SLC6A3: variants seen among roughly 807,000 people sequenced by gnomAD.
The protein encoded by SLC6A3 is solute carrier family 6 member 3.
Under a neutral mutation model 70.4 loss-of-function variants are expected in SLC6A3, and 19 were observed. The observed-to-expected ratio is 0.27, with a 90% CI of 0.19 to 0.40. SLC6A3 has a LOEUF of 0.40. Ranked by LOEUF, SLC6A3 falls within the 10% of genes least tolerant of loss-of-function variation. The pLI is 1.00. For synonymous variants in SLC6A3, 368 were observed against 356.6 expected, an observed-to-expected ratio of 1.03 and a Z score of -0.36; for missense variants, 613 against 838.5, an observed-to-expected ratio of 0.73 and a Z score of 3.32.
rs1755851300 is a variant in SLC6A3 at position 1,401,534 on chromosome 5, A to G, written c.1768-548T>C. Among the ~76,000 whole-genome samples the G allele has an allele frequency of 6.6e-6, 1 of 151,724 alleles. No individual in the cohort carries two copies. On this transcript the variant is annotated intron_variant, in intron 13 of 14. Transcript: ENST00000270349. The surrounding 1 kb of genome is among the most constrained non-coding windows in gnomAD (Gnocchi z 6.1). ...GAGCAGGCAGCATCTTCAGGAGCTCACCCTCTCGGGCCTGGATGCCTGTAT... is the reference window on the plus strand; with the variant it reads ...GAGCAGGCAGCATCTTCAGGAGCTCGCCCTCTCGGGCCTGGATGCCTGTAT...
rs763338514 is a variant in SLC6A3, at chr5:1,414,832, C to T, written c.1032-17G>A. On this transcript the variant is annotated splice_polypyrimidine_tract_variant and intron_variant, in intron 7 of 14. Transcript: ENST00000270349. ...ATCGCGTCCCTGTAAGAACAAGACA[C>T]GCCGTCTCAGGAACCAGCTGAGCTG... 76 of 1,612,666 alleles carry T rather than the reference C, an allele frequency of 4.7e-5. No homozygotes were observed. The highest frequency in any genetic ancestry group is 7.7e-5 in the South Asian group (7 of 91,092).
intron 14 of SLC6A3, among the ~76,000 whole-genome samples, chr5:1,395,160 C>T (rs976800424): frequency 6.6e-6 from 1 of 152,136 alleles, no homozygotes; most frequent in Non-Finnish European, 1.5e-5. Flanking sequence ...CCACGTCCCT[C>T]CACCTTCCTG....
At chr5:1,403,119 G>T in intron 12 of SLC6A3, 30 bp from the exon 13 acceptor site, 2 of 1,609,930 alleles carry the variant, frequency 1.2e-6, no homozygotes, top group Non-Finnish European at 8.5e-7. Context: ...AGGTCAGGCA[G>T]CTCTCAGCCG....
At position 1,438,031 on chromosome 5, in the gene SLC6A3, C is replaced by T. The variant is rs1373382071; in HGVS notation, c.418+3328G>A. On this transcript the variant is annotated intron_variant, in intron 3 of 14. Coordinates refer to ENST00000270349, the MANE Select transcript of SLC6A3 (RefSeq NM_001044.5). This position sits in a 1 kb window ranked among gnomAD's most constrained non-coding sequence, Gnocchi z 6.5. ...GTCTCCTCTAAACTGGCATCCTGCG[C>T]TTGACAGGTAGGCAGAACAAACGGG... Among the ~76,000 whole-genome samples, 1 of 152,204 alleles carries T rather than the reference C, an allele frequency of 6.6e-6. No homozygotes were observed.
intron 6 of SLC6A3, among the ~76,000 whole-genome samples, chr5:1,418,252 G>A (rs1278534540): frequency 6.6e-6 from 1 of 152,086 alleles, no homozygotes; most frequent in Non-Finnish European, 1.5e-5. Flanking sequence ...CCTCTGCCCA[G>A]TGCCACACCA....
chr5:1,431,175 G>A (rs1756692418), intron 4 of SLC6A3, among the ~76,000 whole-genome samples: 1 of 152,248 alleles, frequency 6.6e-6, no homozygotes, highest in Admixed American at 6.5e-5. Context: ...AGATGTGGAT[G>A]GCACCCGCCA....
intron 14 of SLC6A3, among the ~76,000 whole-genome samples, chr5:1,400,700 C>A (rs545638309): frequency 7.2e-5 from 11 of 152,334 alleles, no homozygotes; most frequent in African/African-American, 2.6e-4. Context: ...TGCAGCCGCA[C>A]CTCCCAGGGC....
chr5:1,419,707 G>C (rs947128847), intron 6 of SLC6A3, among the ~76,000 whole-genome samples: 1 of 152,054 alleles, frequency 6.6e-6, no homozygotes, highest in African/African-American at 2.4e-5. Flanking sequence ...CTCTTCCTTG[G>C]CTCCCGTGGG....
Position 1,413,477 on chromosome 5 carries a change from G to A in SLC6A3, c.1156+1214C>T, listed in dbSNP as rs1756174804. 6.6e-6 allele frequency among the ~76,000 whole-genome samples: 1 copy of A among 152,188 alleles called. No homozygotes were observed. The highest frequency in any genetic ancestry group is 1.5e-5 in the Non-Finnish European group (1 of 68,030). On this transcript the variant is annotated intron_variant, in intron 8 of 14. Transcript: ENST00000270349. This position sits in a 1 kb window ranked among gnomAD's most constrained non-coding sequence, Gnocchi z 7.1. Reference sequence around the variant, plus strand: ...GCGGTCAAGGCTGCCCCCGCTTGGTGCTTGTCGCTCCCCGCCTTCACTGAG... The same window carrying A: ...GCGGTCAAGGCTGCCCCCGCTTGGTACTTGTCGCTCCCCGCCTTCACTGAG...
intron 4 of SLC6A3, 111 bp downstream of exon 4, chr5:1,432,353 C>T (rs1206435536): frequency 2.6e-6 from 2 of 777,552 alleles, no homozygotes; most frequent in East Asian, 2.7e-5. Context: ...GAACAGATTC[C>T]CCCTCCCCGC....
chr5:1,433,196 G>A (rs1024739448), intron 3 of SLC6A3, among the ~76,000 whole-genome samples: 1 of 152,096 alleles, frequency 6.6e-6, no homozygotes, highest in Non-Finnish European at 1.5e-5. Flanking sequence ...GGGCTATCAG[G>A]CCCATGTGAA....
intron 4 of SLC6A3, among the ~76,000 whole-genome samples, chr5:1,427,218 T>A (rs1756591960): frequency 6.6e-6 from 1 of 152,168 alleles, no homozygotes; most frequent in Non-Finnish European, 1.5e-5. Flanking sequence ...TATCATGGAG[T>A]TGATACATAT....
Position 1,443,043 on chromosome 5 carries a change from T to C in SLC6A3, c.155A>G (p.Gln52Arg). Residue 52 changes from glutamine (Q) to arginine (R), a missense_variant, in exon 2 of 15, where the codon CAG becomes CGG. Gln to Arg is a conservative substitution (Grantham distance 43). This residue lies in a region of SLC6A3 where 111 missense variants were observed against 91.6 expected (regional missense o/e 1.21). Coordinates refer to ENST00000270349, the MANE Select transcript of SLC6A3 (RefSeq NM_001044.5). ...LTSSTLTNPR[Q>R]SPVEAQDRET... ...CCGATCCTGGGCCTCCACGGGGCTC[T>C]GCCGCGGGTTGGTGAGGGTGGAGCT... 1 of 1,614,236 alleles carries C rather than the reference T, an allele frequency of 6.2e-7. No homozygotes were observed. The highest frequency in any genetic ancestry group is 8.5e-7 in the Non-Finnish European group (1 of 1,180,046).
In SLC6A3 at chr5:1,442,868, C is replaced by A. The variant is rs770070439; in HGVS notation, c.286+44G>T. ...CCTTGGCCCCGGCTGCCCCTACGAC[C>A]CCCGCCCGGCCAGCATGCTCAGGGA... On this transcript the variant is annotated intron_variant, in intron 2 of 14. Coordinates refer to ENST00000270349, the MANE Select transcript of SLC6A3 (RefSeq NM_001044.5). This position sits in a 1 kb window ranked among gnomAD's most constrained non-coding sequence, Gnocchi z 5.0. 4 of 1,610,154 alleles carry A rather than the reference C, an allele frequency of 2.5e-6. No homozygotes were observed. In the South Asian group the frequency reaches 3.3e-5, roughly 13 times the overall value.
chr5:1,402,787 G>A lies in SLC6A3; in HGVS notation c.1767+135C>T. On this transcript the variant is annotated intron_variant, in intron 13 of 14. Transcript: ENST00000270349. The surrounding 1 kb of genome is among the most constrained non-coding windows in gnomAD (Gnocchi z 8.5). ...ACACACACGCACACACACACACAGT[G>A]TTGTGGTGGCCACCTCCAGTCTCCT... 1 of 875,806 alleles carries A rather than the reference G, an allele frequency of 1.1e-6. No individual in the cohort carries two copies. The highest frequency in any genetic ancestry group is 1.9e-6 in the Non-Finnish European group (1 of 537,350). 54.3% of individuals were successfully genotyped at this position (875,806 alleles called of 1,614,324 possible).
At chr5:1,403,187 C>G in intron 12 of SLC6A3, 98 bp from the exon 13 acceptor site, 2 of 1,390,996 alleles carry the variant, frequency 1.4e-6, no homozygotes, top group South Asian at 1.2e-5. Context: ...CGTCTCTCAG[C>G]CCCCACAGCT....
chr5:1,423,041 C>A (rs1238870022), intron 4 of SLC6A3, among the ~76,000 whole-genome samples: 2 of 80,466 alleles, frequency 2.5e-5, no homozygotes, highest in Non-Finnish European at 4.5e-5. Context: ...CCCACCACTG[C>A]CCACAGTACT....
chr5:1,441,829 G>A (rs536957241), intron 2 of SLC6A3, among the ~76,000 whole-genome samples: 2 of 152,186 alleles, frequency 1.3e-5, no homozygotes, highest in Non-Finnish European at 1.5e-5. Context: ...CCTGGCCTGC[G>A]TCCCCCCACT....
At chr5:1,439,884 T>G (rs1016120462) in intron 3 of SLC6A3, among the ~76,000 whole-genome samples, 1 of 152,188 alleles carries the variant, frequency 6.6e-6, no homozygotes, top group Non-Finnish European at 1.5e-5. Context: ...CCCACTCTGC[T>G]CTGATGGGGA....
Sources: allele counts gnomAD v4.1 joint callset (sites outside exome capture counted in the v4.1 genomes callset), GRCh38; gene constraint gnomAD v4.1.1; regional missense constraint gnomAD v4.1.1; non-coding constraint Gnocchi (gnomAD v3.1); transcripts MANE v1.5; gene names NCBI Gene and HGNC (gene_info 2026-07-23, HGNC 2026-07-21).